Variants in CRH observed in about 807,000 individuals in gnomAD.
CRH encodes corticotropin releasing hormone.
Under a neutral mutation model 11.1 loss-of-function variants are expected in CRH, and 6 were observed. The ratio of observed to expected loss-of-function variants is 0.54; its 90% CI spans 0.30 to 1.07. The LOEUF (loss-of-function observed/expected upper bound fraction) is 1.07. Ranked by LOEUF, CRH falls within the 50% of genes least tolerant of loss-of-function variation. The pLI, the probability that CRH is intolerant of heterozygous loss-of-function variation, is 0.07. For missense variants in CRH, 289 were observed against 269.4 expected (o/e 1.07, Z -0.51); for synonymous variants, 155 against 132.0 (o/e 1.17, Z -1.19).
chr8:66,178,054 C>A (rs1173451114), intron 1 of CRH, among the ~76,000 whole-genome samples: 2 of 152,208 alleles, frequency 1.3e-5, no homozygotes, highest in Non-Finnish European at 2.9e-5. Flanking sequence ...GCTTTTGCCA[C>A]ATCCCAGCTA....
At position 66,176,744 on chromosome 8, in the gene CRH, G is replaced by T; in HGVS notation, c.*143C>A. 1 of 1,050,976 alleles carries T rather than the reference G, an allele frequency of 9.5e-7. No homozygotes were observed. The highest frequency in any genetic ancestry group is 2.0e-5 in the South Asian group (1 of 50,174). The allele number at this position is 1,050,976 out of a possible 1,614,324, so 65.1% of individuals were successfully genotyped here. On this transcript the variant is annotated 3_prime_UTR_variant, in exon 2 of 2. Coordinates refer to ENST00000276571, the MANE Select transcript of CRH (RefSeq NM_000756.4). ...TTGTGCATGCTAAGTAAGGGGTATA[G>T]GCTCTCTCCCTCTCTCCCTCTATGT...
rs1347195443 is a variant in CRH at position 66,177,260 on chromosome 8, A to T, written c.218T>A (p.Phe73Tyr). Residue 73 changes from phenylalanine (F) to tyrosine (Y), a missense_variant, in exon 2 of 2, where the codon TTC (phenylalanine) becomes TAC (tyrosine). Physicochemically the swap from Phe to Tyr is conservative, Grantham distance 22. Around this residue, in one of 2 missense-constraint regions of CRH, gnomAD observed 261 missense variants for 219.0 expected, o/e 1.19. Coordinates refer to ENST00000276571, the MANE Select transcript of CRH (RefSeq NM_000756.4). ...CTTGTTGAGGTTCCCCAGGCGGAGGAAGTACTCCTCTCCCATGCGGAGCAG... is the reference window on the plus strand; with the variant it reads ...CTTGTTGAGGTTCCCCAGGCGGAGGTAGTACTCCTCTCCCATGCGGAGCAG... ...PVLLRMGEEY[F>Y]LRLGNLNKSP... is the part of the protein sequence containing the mutation. 12 of 1,545,324 alleles carry T rather than the reference A, an allele frequency of 7.8e-6. No homozygotes were observed. The highest frequency in any genetic ancestry group is 9.6e-6 in the Non-Finnish European group (11 of 1,149,468).
chr8:66,178,094 A>G (rs78420283), intron 1 of CRH, among the ~76,000 whole-genome samples, 199 bp downstream of exon 1: 1,923 of 152,094 alleles, frequency 0.013, 45 homozygotes, highest in African/African-American at 0.044. Context: ...TAGTCCGCGA[A>G]CACGCGCGCA....
chr8:66,177,409 C>G lies in CRH; in HGVS notation c.69G>C (p.Arg23Ser). 2 of 1,539,970 alleles carry G rather than the reference C, an allele frequency of 1.3e-6. No homozygotes were observed. The highest frequency in any genetic ancestry group is 1.7e-6 in the Non-Finnish European group (2 of 1,147,062). Residue 23 changes from arginine (R) to serine (S), a missense_variant, in exon 2 of 2, where the codon AGG becomes AGC. Physicochemically the swap from Arg to Ser is moderately radical, Grantham distance 110. This residue lies in a region of CRH where 261 missense variants were observed against 219.0 expected (regional missense o/e 1.19). Transcript: ENST00000276571. Reference protein sequence around the residue: ...LVALLPCPPCRALLSRGPVPG... With the variant: ...LVALLPCPPCSALLSRGPVPG... ...GGACCGGCCCGCGGCTCAGGAGCGCCCTGCATGGCGGGCAGGGCAGGAGAG... is the reference window on the plus strand; with the variant it reads ...GGACCGGCCCGCGGCTCAGGAGCGCGCTGCATGGCGGGCAGGGCAGGAGAG...
At position 66,177,420 on chromosome 8, in the gene CRH, G is replaced by A. The variant is rs867732299; in HGVS notation, c.58C>T (p.Pro20Ser). Residue 20 changes from proline to serine, a missense_variant, in exon 2 of 2, where the codon CCG becomes TCG. By Grantham distance (74) the Pro-to-Ser change is moderately conservative. Transcript: ENST00000276571. ...GVLLVALLPC[P>S]PCRALLSRGP... ...CGGCTCAGGAGCGCCCTGCATGGCG[G>A]GCAGGGCAGGAGAGCCACCAGCAGG... 1.3e-6 allele frequency: 2 copies of A among 1,539,372 alleles called. No individual in the cohort carries two copies. Among genetic ancestry groups the A allele is most frequent in the Non-Finnish European group, 1.7e-6 (2 of 1,146,998 alleles).
rs1347844529 is a variant in CRH at position 66,177,039 on chromosome 8, C to T, written c.439G>A (p.Ala147Thr). 5.6e-6 allele frequency: 9 copies of T among 1,613,408 alleles called. No individual in the cohort carries two copies. Among genetic ancestry groups the T allele is most frequent in the Non-Finnish European group, 6.8e-6 (8 of 1,179,642 alleles). The change falls in exon 2 of 2, where the codon GCA becomes ACA. Residue 147 changes from alanine to threonine, a missense_variant. Ala to Thr is a moderately conservative substitution (Grantham distance 58). This residue lies in a region of CRH where 261 missense variants were observed against 219.0 expected (regional missense o/e 1.19). Transcript: ENST00000276571. ...ARNALGGHQE[A>T]PERERRSEEP... ...TCGGACCGCCTTTCTCTCTCCGGTG[C>T]CTCCTGGTGGCCGCCGAGGGCATTC...
chr8:66,177,521 A>G (rs956074611), intron 1 of CRH, 30 bp from the exon 2 acceptor site: 2 of 1,512,262 alleles, frequency 1.3e-6, no homozygotes, highest in Non-Finnish European at 1.8e-6. Context: ...GGAGGGCGGA[A>G]TGAGAGAGGG....
In CRH at chr8:66,177,264, A is replaced by C; in HGVS notation, c.214T>G (p.Tyr72Asp). The change falls in exon 2 of 2, where the codon TAC becomes GAC. Residue 72 changes from tyrosine (Y) to aspartate (D), a missense_variant. By Grantham distance (160) the Tyr-to-Asp change is radical. Around this residue, in one of 2 missense-constraint regions of CRH, gnomAD observed 261 missense variants for 219.0 expected, o/e 1.19. Transcript: ENST00000276571. ...RPVLLRMGEE[Y>D]FLRLGNLNKS... ...TTGAGGTTCCCCAGGCGGAGGAAGT[A>C]CTCCTCTCCCATGCGGAGCAGGACC... 6.5e-7 allele frequency: 1 copy of C among 1,545,214 alleles called. No homozygotes were observed. Among genetic ancestry groups the C allele is most frequent in the Non-Finnish European group, 8.7e-7 (1 of 1,149,550 alleles).
rs1244455223 is a variant in CRH, at chr8:66,177,384, G to A, written c.94C>T (p.Pro32Ser). ...TGCTGCGGCGCCTGCCGAGCTCCCG[G>A]GACCGGCCCGCGGCTCAGGAGCGCC... ...CRALLSRGPV[P>S]GARQAPQHPQ... The change falls in exon 2 of 2, where the codon CCG becomes TCG. Residue 32 changes from proline (P) to serine (S), a missense_variant. Pro to Ser is a moderately conservative substitution (Grantham distance 74, BLOSUM62 -1). This residue lies in a region of CRH where 261 missense variants were observed against 219.0 expected (regional missense o/e 1.19). Coordinates refer to ENST00000276571, the MANE Select transcript of CRH (RefSeq NM_000756.4). 6.5e-7 allele frequency: 1 copy of A among 1,539,992 alleles called. No individual in the cohort carries two copies. The highest frequency in any genetic ancestry group is 2.4e-5 in the East Asian group (1 of 40,892).
At position 66,176,799 on chromosome 8, in the gene CRH, A is replaced by G. The variant is rs888776098; in HGVS notation, c.*88T>C. On this transcript the variant is annotated 3_prime_UTR_variant, in exon 2 of 2. Transcript: ENST00000276571. ...AGCTATATAAAAATAAACAAATGGC[A>G]TAAGAGCAGCGCTATGGTACAGAAT... 2.6e-5 allele frequency: 38 copies of G among 1,433,982 alleles called. No individual in the cohort carries two copies. The African/African-American group carries it at 4.3e-4, about 16-fold the overall frequency. 88.8% of individuals were successfully genotyped at this position (1,433,982 alleles called of 1,614,324 possible). A position where few individuals can be genotyped will look rare whatever the true frequency, so the allele number is the denominator to read the frequency against.
intron 1 of CRH, 66 bp from the exon 2 acceptor site, chr8:66,177,557 G>C: frequency 6.8e-7 from 1 of 1,481,054 alleles, no homozygotes; most frequent in South Asian, 1.3e-5. Context: ...GAGTTGGTTA[G>C]AGTTCGCTCA....
intron 1 of CRH, among the ~76,000 whole-genome samples, 195 bp downstream of exon 1, chr8:66,178,098 G>A (rs1321820230): frequency 6.6e-6 from 1 of 151,784 alleles, no homozygotes; most frequent in East Asian, 1.9e-4. Context: ...CCGCGAACAC[G>A]CGCGCACACA....
chr8:66,177,967 G>C (rs562601508), intron 1 of CRH, among the ~76,000 whole-genome samples: 17 of 151,714 alleles, frequency 1.1e-4, no homozygotes, highest in African/African-American at 3.1e-4. Context: ...AGGATAGAAG[G>C]GGGTGGGGGA....
rs1241977415 is a variant in CRH, at chr8:66,177,044, T to C, written c.434A>G (p.Gln145Arg). Residue 145 changes from glutamine to arginine, a missense_variant, in exon 2 of 2, where the codon CAG becomes CGG. Coordinates refer to ENST00000276571, the MANE Select transcript of CRH (RefSeq NM_000756.4). ...CCGCCTTTCTCTCTCCGGTGCCTCC[T>C]GGTGGCCGCCGAGGGCATTCCTAGC... The part of the protein sequence containing the change: ...RGARNALGGH[Q>R]EAPERERRSE... The C allele has an allele frequency of 1.2e-6, 2 of 1,612,772 alleles. No homozygotes were observed. The highest frequency in any genetic ancestry group is 2.7e-5 in the African/African-American group (2 of 74,882).
In CRH at chr8:66,177,491, G is replaced by C. The variant is rs1428357776; in HGVS notation, c.-14C>G. The C allele has an allele frequency of 2.6e-6, 4 of 1,530,822 alleles. No individual in the cohort carries two copies. The Admixed American group carries it at 6.0e-5, about 23-fold the overall frequency. The allele number at this position is 1,530,822 out of a possible 1,614,324, so 94.8% of individuals were successfully genotyped here. A position where few individuals can be genotyped will look rare whatever the true frequency, so the allele number is the denominator to read the frequency against. ...CGGCAGCCGCATGTTAGGGGCACTC[G>C]CTGCGGCACAGAGGTGGGCGGAGGG... On this transcript the variant is annotated splice_region_variant and 5_prime_UTR_variant, in exon 2 of 2. Transcript: ENST00000276571.
At position 66,177,167 on chromosome 8, in the gene CRH, G is replaced by A; in HGVS notation, c.311C>T (p.Pro104Leu). The A allele has an allele frequency of 6.5e-7, 1 of 1,541,256 alleles. No homozygotes were observed. The highest frequency in any genetic ancestry group is 8.7e-7 in the Non-Finnish European group (1 of 1,146,090). The change falls in exon 2 of 2, where the codon CCG becomes CTG. Residue 104 changes from proline to leucine, a missense_variant. Around this residue, in one of 2 missense-constraint regions of CRH, gnomAD observed 261 missense variants for 219.0 expected, o/e 1.19. Coordinates refer to ENST00000276571, the MANE Select transcript of CRH (RefSeq NM_000756.4). ...GAAAAAGTTGGCGGTCGCCTGTTCC[G>A]GCGAAGGGCGGCTGCCGCTGCCTCC... ...LAGGSGSRPS[P>L]EQATANFFRV...
chr8:66,178,141 C>CAT (rs1293222354), intron 1 of CRH, among the ~76,000 whole-genome samples, 152 bp downstream of exon 1: 1 of 152,102 alleles, frequency 6.6e-6, no homozygotes, highest in Non-Finnish European at 1.5e-5. Context: ...CACACACACA[C>CAT]ATACGCATAC....
At chr8:66,178,043 T>C (rs1811933202) in intron 1 of CRH, among the ~76,000 whole-genome samples, 1 of 152,154 alleles carries the variant, frequency 6.6e-6, no homozygotes, top group South Asian at 2.1e-4. Flanking sequence ...CGTCTAAGTT[T>C]GCTTTTGCCA....
chr8:66,177,639 G>A (rs1586279556), intron 1 of CRH, 148 bp from the exon 2 acceptor site: 5 of 1,189,456 alleles, frequency 4.2e-6, no homozygotes, highest in South Asian at 3.3e-5. Context: ...CAGTGATTCG[G>A]ATGGGCGCTG....
Sources: gnomAD v4.1 joint callset for allele counts (sites outside exome capture counted in the v4.1 genomes callset) on GRCh38, gnomAD v4.1.1 for gene constraint, gnomAD v4.1.1 regional missense constraint, MANE v1.5 for transcripts, NCBI Gene and HGNC (gene_info 2026-07-23, HGNC 2026-07-21) for gene names.